The following UBA2 variants were observed in gnomAD, a reference collection of about 807,000 sequenced individuals.
UBA2 encodes ubiquitin like modifier activating enzyme 2.
A neutral mutation model predicts 77.2 loss-of-function variants in UBA2; 11 were observed. The observed-to-expected ratio is 0.14, with a 90% confidence interval of 0.09 to 0.24. The LOEUF (loss-of-function observed/expected upper bound fraction) is 0.24. Among genes scored for constraint, UBA2 ranks in the 10% least tolerant of loss-of-function variants. The pLI, the probability that UBA2 is intolerant of heterozygous loss-of-function variation, is 1.00. For synonymous variants in UBA2, 278 were observed against 276.7 expected (o/e 1.00, Z -0.05); for missense variants, 487 against 781.7 (o/e 0.62, Z 4.50).
intron 5 of UBA2, among the ~76,000 whole-genome samples, chr19:34,437,791 C>T (rs967967193): frequency 4.7e-4 from 72 of 152,012 alleles, no homozygotes; most frequent in African/African-American, 1.6e-3. Context: ...CAGTGGCTCA[C>T]GCCTGTAATC....
intron 10 of UBA2, among the ~76,000 whole-genome samples, chr19:34,452,513 G>A (rs2075512562): frequency 6.6e-6 from 1 of 152,208 alleles, no homozygotes; most frequent in African/African-American, 2.4e-5. Context: ...CTTGAAAATA[G>A]TAAGATTGTC....
At chr19:34,458,728 C>G in intron 12 of UBA2, 41 bp from the exon 13 acceptor site, 1 of 1,570,580 alleles carries the variant, frequency 6.4e-7, no homozygotes, top group South Asian at 1.2e-5. Flanking sequence ...TATAAAATTA[C>G]AGCACGTTTC....
rs953125713 is a variant in UBA2, at chr19:34,458,979, GACAA to G, written c.1401+63_1401+66del. The G allele has an allele frequency of 2.6e-5, 39 of 1,481,448 alleles. No homozygotes were observed. In the East Asian group the frequency reaches 3.2e-4, roughly 12 times the overall value. 91.8% of individuals were successfully genotyped at this position (1,481,448 alleles called of 1,614,324 possible). A position where few individuals can be genotyped will look rare whatever the true frequency, so the allele number is the denominator to read the frequency against. On this transcript the variant is annotated intron_variant, in intron 13 of 16. Coordinates refer to ENST00000246548, the MANE Select transcript of UBA2 (RefSeq NM_005499.3). ...TTTGCTTTTACAGTATTACTGTGAT[GACAA>G]ACAAACACTAGCTGCTGATTCTGAA...
At chr19:34,450,819 G>A (rs942809626) in intron 9 of UBA2, among the ~76,000 whole-genome samples, 3 of 136,292 alleles carry the variant, frequency 2.2e-5, no homozygotes, top group Non-Finnish European at 3.0e-5. Flanking sequence ...CACGATCTCA[G>A]CTCACCGCAA....
chr19:34,468,243 T>C (rs1345277500), intron 16 of UBA2, among the ~76,000 whole-genome samples: 1 of 152,242 alleles, frequency 6.6e-6, no homozygotes, highest in Non-Finnish European at 1.5e-5. Flanking sequence ...TACTCTTGGC[T>C]CTAATGTTCT....
intron 12 of UBA2, among the ~76,000 whole-genome samples, chr19:34,456,880 T>TA (rs992393539): frequency 2.6e-5 from 4 of 151,874 alleles, no homozygotes; most frequent in Non-Finnish European, 5.9e-5. Flanking sequence ...TTAAATTATT[T>TA]AAAAAAAATT....
intron 5 of UBA2, among the ~76,000 whole-genome samples, chr19:34,437,779 C>T (rs777491546): frequency 3.3e-5 from 5 of 151,866 alleles, no homozygotes; most frequent in East Asian, 3.9e-4. Flanking sequence ...ATGGGCTGGG[C>T]GCAGTGGCTC....
chr19:34,461,677 G>T (rs2075632575), intron 14 of UBA2, among the ~76,000 whole-genome samples: 1 of 152,178 alleles, frequency 6.6e-6, no homozygotes, highest in Admixed American at 6.5e-5. Flanking sequence ...GAATATGTGT[G>T]GAGTCCTGTA....
intron 1 of UBA2, among the ~76,000 whole-genome samples, chr19:34,429,608 A>C (rs933702597): frequency 1.3e-5 from 2 of 152,116 alleles, no homozygotes; most frequent in African/African-American, 4.8e-5. Flanking sequence ...AATTCAATAA[A>C]CGTTTGCCAT....
intron 10 of UBA2, among the ~76,000 whole-genome samples, chr19:34,452,622 T>C (rs1745501987): frequency 6.6e-6 from 1 of 152,230 alleles, no homozygotes; most frequent in African/African-American, 2.4e-5. Context: ...AAATCATATT[T>C]AATAGTACTC....
At chr19:34,445,160 T>C in intron 8 of UBA2, 39 bp downstream of exon 8, 1 of 1,581,006 alleles carries the variant, frequency 6.3e-7, no homozygotes, top group Non-Finnish European at 8.6e-7. Context: ...ATAGATGTAT[T>C]GTTGTGCATA....
rs746427987 is a variant in UBA2 at position 34,469,912 on chromosome 19, G to A, written c.*691G>A. 5 of 152,464 alleles carry A rather than the reference G, an allele frequency of 3.3e-5. No homozygotes were observed. The highest frequency in any genetic ancestry group is 5.9e-5 in the Non-Finnish European group (4 of 68,018). 9.4% of individuals were successfully genotyped at this position (152,464 alleles called of 1,614,324 possible). On this transcript the variant is annotated 3_prime_UTR_variant, in exon 17 of 17. Coordinates refer to ENST00000246548, the MANE Select transcript of UBA2 (RefSeq NM_005499.3). ...TGTTACACATGCCTGCACAGTTCCT[G>A]TTTCTGCTGCCTTATATCTACTGCA...
At chr19:34,442,184 G>A (rs1009064082) in intron 6 of UBA2, among the ~76,000 whole-genome samples, 8 of 152,102 alleles carry the variant, frequency 5.3e-5, no homozygotes, top group Admixed American at 1.3e-4. Flanking sequence ...GCAGTGAGCT[G>A]TGATCACACC....
chr19:34,442,129 G>C (rs567670286), intron 6 of UBA2, among the ~76,000 whole-genome samples: 1 of 152,186 alleles, frequency 6.6e-6, no homozygotes, highest in African/African-American at 2.4e-5. Flanking sequence ...CAGCTACTTG[G>C]GAGGCTGAGG....
chr19:34,444,321 G>A (rs1238105943), intron 7 of UBA2, among the ~76,000 whole-genome samples: 1 of 152,052 alleles, frequency 6.6e-6, no homozygotes, highest in East Asian at 1.9e-4. Context: ...GCCTCCCAAA[G>A]TGCTGGGACA....
intron 12 of UBA2, among the ~76,000 whole-genome samples, chr19:34,454,799 T>G (rs2075540397): frequency 6.6e-6 from 1 of 152,212 alleles, no homozygotes; most frequent in Non-Finnish European, 1.5e-5. Flanking sequence ...TTCGAAGAAT[T>G]CATTGTGCGG....
rs553950255 is a variant in UBA2, at chr19:34,450,145, G to T, written c.772-120G>T. The T allele has an allele frequency of 3.2e-5, 21 of 653,482 alleles. 1 individual carries two copies. The East Asian group carries it at 6.1e-4, about 19-fold the overall frequency. 40.5% of individuals were successfully genotyped at this position (653,482 alleles called of 1,614,324 possible). A position where few individuals can be genotyped will look rare whatever the true frequency, so the allele number is the denominator to read the frequency against. ...CCTTTTGAAAATTGTTATGCTGCTGGTATATGACATGTATCTTTAAATCAG... is the reference window on the plus strand; with the variant it reads ...CCTTTTGAAAATTGTTATGCTGCTGTTATATGACATGTATCTTTAAATCAG... On this transcript the variant is annotated intron_variant, in intron 8 of 16. Coordinates refer to ENST00000246548, the MANE Select transcript of UBA2 (RefSeq NM_005499.3).
rs569078000 is a variant in UBA2, at chr19:34,457,166, T to TAA, written c.1246-1590_1246-1589dup. ...TAACGTGGAGAAACCTGGTCTCTAC[T>TAA]AAAAAAAAAAAAAATATATATATAT... On this transcript the variant is annotated intron_variant, in intron 12 of 16. Transcript: ENST00000246548. Among the ~76,000 whole-genome samples, 461 of 50,998 alleles carry TAA rather than the reference T, an allele frequency of 9.0e-3. 18 individuals carry two copies. Among genetic ancestry groups the TAA allele is most frequent in the South Asian group, 0.034 (28 of 824 alleles). The allele number at this position is 50,998 out of a possible 152,430, so 33.5% of individuals were successfully genotyped here. A position where few individuals can be genotyped will look rare whatever the true frequency, so the allele number is the denominator to read the frequency against.
intron 8 of UBA2, among the ~76,000 whole-genome samples, chr19:34,449,218 C>T (rs528679183): frequency 4.6e-5 from 7 of 151,918 alleles, no homozygotes; most frequent in East Asian, 1.9e-4. Context: ...TACAGGCACG[C>T]GCCACGACGC....
Sources: gnomAD v4.1 joint callset for allele counts (sites outside exome capture counted in the v4.1 genomes callset) on GRCh38, gnomAD v4.1.1 for gene constraint, MANE v1.5 for transcripts, NCBI Gene and HGNC (gene_info 2026-07-23, HGNC 2026-07-21) for gene names.